The following SLC35F4 variants were observed in gnomAD, a reference collection of about 807,000 sequenced individuals.
SLC35F4 encodes the protein solute carrier family 35 member F4.
Under a neutral mutation model 44.2 loss-of-function variants are expected in SLC35F4, and 24 were observed. That is an observed-to-expected ratio of 0.54 (90% CI 0.39 to 0.76). The LOEUF (loss-of-function observed/expected upper bound fraction) is 0.76, where lower values mean the gene tolerates loss of function less well. Ranked by LOEUF, SLC35F4 falls within the 30% of genes least tolerant of loss-of-function variation. The probability of loss-of-function intolerance (pLI) is 0.00; values close to 1 mark genes in which losing one functional copy is unlikely to be tolerated. For synonymous variants in SLC35F4, 238 were observed against 223.6 expected (o/e 1.06, Z -0.57); for missense variants, 562 against 586.1 (o/e 0.96, Z 0.42).
At chr14:57,671,448 A>G (rs901246809) in intron 1 of SLC35F4, among the ~76,000 whole-genome samples, 20 of 151,974 alleles carry the variant, frequency 1.3e-4, no homozygotes, top group African/African-American at 4.6e-4. Context: ...TTCAGGCCTT[A>G]GCTCCCAGAA....
intron 1 of SLC35F4, among the ~76,000 whole-genome samples, chr14:57,760,404 C>G (rs2077097225): frequency 6.6e-6 from 1 of 152,058 alleles, no homozygotes; most frequent in African/African-American, 2.4e-5. Flanking sequence ...GTTTTTATGC[C>G]AATACCATAC....
upstream of SLC35F4, among the ~76,000 whole-genome samples, chr14:57,870,335 G>A (rs1286143613): frequency 1.3e-5 from 2 of 151,982 alleles, no homozygotes; most frequent in Admixed American, 6.5e-5. Flanking sequence ...TTTAAAGCAC[G>A]GACTTTGGAG....
At chr14:57,613,618 T>C (rs1323077088) in intron 1 of SLC35F4, among the ~76,000 whole-genome samples, 1 of 152,238 alleles carries the variant, frequency 6.6e-6, no homozygotes. Context: ...TCAGCACAAA[T>C]TTCTATTTTT....
intron 1 of SLC35F4, among the ~76,000 whole-genome samples, chr14:57,607,520 A>G (rs891974881): frequency 1.3e-5 from 2 of 152,204 alleles, no homozygotes; most frequent in Non-Finnish European, 2.9e-5. Context: ...ACCCACAATG[A>G]TGAGTCCCAG....
chr14:57,739,594 TGGA>T (rs1475077256), intron 1 of SLC35F4, among the ~76,000 whole-genome samples: 1 of 152,216 alleles, frequency 6.6e-6, no homozygotes. Context: ...CCTCCCTTCC[TGGA>T]TCAAACTGCC....
intron 1 of SLC35F4, among the ~76,000 whole-genome samples, chr14:57,748,480 G>C (rs1223966007): frequency 1.3e-5 from 2 of 152,018 alleles, no homozygotes; most frequent in African/African-American, 4.8e-5. Flanking sequence ...TCATCTGCAA[G>C]TGGGGGCCAG....
intron 1 of SLC35F4, among the ~76,000 whole-genome samples, chr14:57,653,156 T>C (rs2073846279): frequency 6.6e-6 from 1 of 152,240 alleles, no homozygotes; most frequent in Admixed American, 6.5e-5. Flanking sequence ...CTTTATAAGG[T>C]CTTTAATAGT....
At chr14:57,908,643 T>C (rs2141049877) in intron 1 of SLC35F4, among the ~76,000 whole-genome samples, 1 of 152,354 alleles carries the variant, frequency 6.6e-6, no homozygotes, top group East Asian at 1.9e-4. Flanking sequence ...TGTGTTTTTC[T>C]TGTAAATTTG....
At chr14:57,640,357 C>A (rs970047185) in intron 1 of SLC35F4, among the ~76,000 whole-genome samples, 3 of 151,924 alleles carry the variant, frequency 2.0e-5, no homozygotes, top group African/African-American at 7.2e-5. Flanking sequence ...TAAAGAATTC[C>A]TTTAGACTTT....
At chr14:57,730,957 G>A (rs554506081) in intron 1 of SLC35F4, among the ~76,000 whole-genome samples, 31 of 152,304 alleles carry the variant, frequency 2.0e-4, no homozygotes, top group Admixed American at 2.0e-3. Flanking sequence ...TGTGTTAGGG[G>A]CAGTGGTAGC....
intron 1 of SLC35F4, among the ~76,000 whole-genome samples, chr14:57,603,238 TTAAA>T (rs2070936040): frequency 6.6e-6 from 1 of 152,230 alleles, no homozygotes; most frequent in South Asian, 2.1e-4. Flanking sequence ...GTCCTGATCT[TTAAA>T]TAATTTCCCA....
chr14:57,815,771 G>A (rs1388791382), intron 1 of SLC35F4, among the ~76,000 whole-genome samples: 3 of 152,080 alleles, frequency 2.0e-5, no homozygotes, highest in South Asian at 2.1e-4. Context: ...TTGACTAGCC[G>A]AGAAGACCAG....
At chr14:57,899,978 A>T (rs1198661884) in intron 1 of SLC35F4, among the ~76,000 whole-genome samples, 2 of 152,024 alleles carry the variant, frequency 1.3e-5, no homozygotes, top group African/African-American at 2.4e-5. Context: ...GCCAGCTTTT[A>T]TTCCCTTATT....
chr14:57,726,975 C>T (rs575144285), intron 1 of SLC35F4, among the ~76,000 whole-genome samples: 2 of 152,088 alleles, frequency 1.3e-5, no homozygotes, highest in Admixed American at 6.6e-5. Flanking sequence ...ATCTTTCTCC[C>T]GTGCTGGATG....
At chr14:57,868,698 G>T (rs1395960801), upstream of SLC35F4, among the ~76,000 whole-genome samples, 1 of 152,034 alleles carries the variant, frequency 6.6e-6, no homozygotes, top group Non-Finnish European at 1.5e-5. Context: ...GACTGGTCTC[G>T]AACTCCTGAC....
chr14:57,644,794 TG>T (rs1314972104), intron 1 of SLC35F4, among the ~76,000 whole-genome samples: 1 of 152,236 alleles, frequency 6.6e-6, no homozygotes. Context: ...AATTAATTTT[TG>T]TATAAGGTGT....
chr14:57,766,578 G>A (rs1318488314), intron 1 of SLC35F4, among the ~76,000 whole-genome samples: 1 of 152,168 alleles, frequency 6.6e-6, no homozygotes, highest in Non-Finnish European at 1.5e-5. Context: ...GTAACTGGGG[G>A]ACATTTGTGA....
chr14:57,679,144 T>G (rs1594778822), intron 1 of SLC35F4, among the ~76,000 whole-genome samples: 6 of 152,052 alleles, frequency 3.9e-5, no homozygotes, highest in Admixed American at 3.9e-4. Context: ...CCTCTGCAAA[T>G]GCAAAAGAAT....
intron 1 of SLC35F4, among the ~76,000 whole-genome samples, chr14:57,708,945 T>G (rs1157710133): frequency 6.6e-6 from 1 of 152,174 alleles, no homozygotes; most frequent in African/African-American, 2.4e-5. Context: ...ACACCATTAT[T>G]TCTGCATATC....
Sources: allele counts gnomAD v4.1 joint callset (sites outside exome capture counted in the v4.1 genomes callset), GRCh38; gene constraint gnomAD v4.1.1; transcripts MANE v1.5; gene names NCBI Gene and HGNC (gene_info 2026-07-23, HGNC 2026-07-21).